The following PLPPR1 variants were observed in gnomAD, a reference collection of about 807,000 sequenced individuals.
PLPPR1 encodes the protein phospholipid phosphatase related 1.
Under a neutral mutation model 33.1 loss-of-function variants are expected in PLPPR1, and 10 were observed. That is an observed-to-expected ratio of 0.30 (90% CI 0.19 to 0.51). PLPPR1 has a LOEUF of 0.51. Among genes scored for constraint, PLPPR1 ranks in the 20% least tolerant of loss-of-function variants. The pLI is 0.97. For missense variants in PLPPR1, 304 were observed against 408.1 expected (o/e 0.74, Z 2.20); for synonymous variants, 151 against 151.0 (o/e 1.00, Z 0.00).
At chr9:101,137,221 G>A (rs189220914) in intron 1 of PLPPR1, among the ~76,000 whole-genome samples, 2 of 152,308 alleles carry the variant, frequency 1.3e-5, no homozygotes, top group Admixed American at 6.5e-5. Context: ...TTGGCAGACT[G>A]AGGGGCAGTT....
chr9:101,177,571 C>T (rs1826037170), intron 1 of PLPPR1, among the ~76,000 whole-genome samples: 1 of 152,178 alleles, frequency 6.6e-6, no homozygotes, highest in Admixed American at 6.5e-5. Context: ...CCAAATAGCA[C>T]TTCTTTCAGC....
chr9:101,237,852 G>GTA (rs1332940848), intron 2 of PLPPR1, among the ~76,000 whole-genome samples: 10 of 122,658 alleles, frequency 8.2e-5, no homozygotes, highest in African/African-American at 3.3e-4. Flanking sequence ...ATATGTGTGT[G>GTA]TGTATATATA....
At chr9:101,033,729 A>T (rs1181208453) in intron 1 of PLPPR1, among the ~76,000 whole-genome samples, 2 of 152,158 alleles carry the variant, frequency 1.3e-5, no homozygotes, top group Non-Finnish European at 2.9e-5. Context: ...TTTAATCTTG[A>T]CAACACCTAT....
intron 1 of PLPPR1, among the ~76,000 whole-genome samples, chr9:101,034,704 C>T (rs922678110): frequency 6.6e-6 from 1 of 151,774 alleles, no homozygotes; most frequent in Non-Finnish European, 1.5e-5. Context: ...GAGTAAGTAC[C>T]TAATAAATGG....
intron 2 of PLPPR1, among the ~76,000 whole-genome samples, chr9:101,189,669 A>G (rs939175856): frequency 3.3e-5 from 5 of 152,046 alleles, no homozygotes; most frequent in Non-Finnish European, 1.5e-5. Context: ...ACTCTCAACC[A>G]TTGCTGCTTC....
intron 1 of PLPPR1, among the ~76,000 whole-genome samples, chr9:101,042,767 A>T (rs746154915): frequency 3.9e-4 from 60 of 152,238 alleles, no homozygotes; most frequent in Non-Finnish European, 7.1e-4. Context: ...TGATTTAAAC[A>T]TTTTTAAAAT....
At chr9:101,224,567 TG>T (rs1827020414) in intron 2 of PLPPR1, among the ~76,000 whole-genome samples, 1 of 152,132 alleles carries the variant, frequency 6.6e-6, no homozygotes, top group African/African-American at 2.4e-5. Context: ...GGCCTAGGGT[TG>T]GGGTTTATAG....
At chr9:101,305,624 T>C (rs1303551901) in intron 4 of PLPPR1, among the ~76,000 whole-genome samples, 1 of 152,204 alleles carries the variant, frequency 6.6e-6, no homozygotes, top group Non-Finnish European at 1.5e-5. Flanking sequence ...AGGTCTGCTG[T>C]GTGGACAGCA....
At chr9:101,166,168 C>T (rs2118680898) in intron 1 of PLPPR1, among the ~76,000 whole-genome samples, 1 of 152,334 alleles carries the variant, frequency 6.6e-6, no homozygotes. Context: ...ATTGCCTGGG[C>T]CCTTTATGTT....
chr9:101,160,751 T>G (rs1158184604), intron 1 of PLPPR1, among the ~76,000 whole-genome samples: 1 of 152,136 alleles, frequency 6.6e-6, no homozygotes, highest in African/African-American at 2.4e-5. Flanking sequence ...ATCGTATGAC[T>G]GGAAAGAATT....
At chr9:101,239,700 T>C (rs1340891004) in intron 2 of PLPPR1, among the ~76,000 whole-genome samples, 1 of 151,990 alleles carries the variant, frequency 6.6e-6, no homozygotes, top group Admixed American at 6.6e-5. Flanking sequence ...CTCTTGGCCA[T>C]TGGTATGGCT....
At chr9:101,161,091 G>A (rs1831766843) in intron 1 of PLPPR1, among the ~76,000 whole-genome samples, 1 of 152,168 alleles carries the variant, frequency 6.6e-6, no homozygotes, top group African/African-American at 2.4e-5. Flanking sequence ...AGAGATACAA[G>A]TGGGAGGTTC....
At chr9:101,213,247 C>G (rs1210777449) in intron 2 of PLPPR1, among the ~76,000 whole-genome samples, 1 of 152,156 alleles carries the variant, frequency 6.6e-6, no homozygotes, top group African/African-American at 2.4e-5. Flanking sequence ...TTTTATACCT[C>G]TTCAAACCTT....
At chr9:101,251,804 G>A (rs1349817644) in intron 2 of PLPPR1, among the ~76,000 whole-genome samples, 1 of 152,094 alleles carries the variant, frequency 6.6e-6, no homozygotes, top group Non-Finnish European at 1.5e-5. Flanking sequence ...TACTGATATA[G>A]AAGGATGGTT....
intron 2 of PLPPR1, among the ~76,000 whole-genome samples, chr9:101,198,941 G>GT (rs1016727683): frequency 3.3e-5 from 5 of 152,166 alleles, no homozygotes; most frequent in African/African-American, 1.2e-4. Flanking sequence ...TGTATTTATC[G>GT]TAAGGGCTTT....
At chr9:101,109,301 A>G (rs1831021371) in intron 1 of PLPPR1, among the ~76,000 whole-genome samples, 1 of 151,976 alleles carries the variant, frequency 6.6e-6, no homozygotes, top group Non-Finnish European at 1.5e-5. Flanking sequence ...AAGGGTATAA[A>G]GGGGTCCTGA....
chr9:101,057,192 T>G (rs904576528), intron 1 of PLPPR1, among the ~76,000 whole-genome samples: 3 of 152,194 alleles, frequency 2.0e-5, no homozygotes, highest in Non-Finnish European at 4.4e-5. Flanking sequence ...ATGAATGAAA[T>G]AATACATTAC....
intron 1 of PLPPR1, among the ~76,000 whole-genome samples, chr9:101,064,791 G>T (rs138432419): frequency 2.6e-5 from 4 of 152,116 alleles, no homozygotes; most frequent in Admixed American, 1.3e-4. Flanking sequence ...CCTTCTTTCC[G>T]ATGGGGACTC....
chr9:101,282,431 A>G (rs1197488893), intron 3 of PLPPR1, among the ~76,000 whole-genome samples: 1 of 152,200 alleles, frequency 6.6e-6, no homozygotes, highest in Non-Finnish European at 1.5e-5. Flanking sequence ...TAGAGGCCAT[A>G]TGTGGTAAAC....
Sources: gnomAD v4.1 joint callset for allele counts (sites outside exome capture counted in the v4.1 genomes callset) on GRCh38, gnomAD v4.1.1 for gene constraint, MANE v1.5 for transcripts, NCBI Gene and HGNC (gene_info 2026-07-23, HGNC 2026-07-21) for gene names.